PCNX2: variants seen among roughly 807,000 people sequenced by gnomAD.
PCNX2 encodes the protein pecanex 2.
A neutral mutation model predicts 223.8 loss-of-function variants in PCNX2; 168 were observed. The ratio of observed to expected loss-of-function variants is 0.75; its 90% CI spans 0.66 to 0.85. The LOEUF (loss-of-function observed/expected upper bound fraction) is 0.85, where lower values mean the gene tolerates loss of function less well. PCNX2 is among the 40% of genes least tolerant of loss of function. The probability of loss-of-function intolerance (pLI) is 0.00; values close to 1 mark genes in which losing one functional copy is unlikely to be tolerated. For missense variants in PCNX2, 2,507 were observed against 2,675.5 expected (o/e 0.94, Z 1.39); for synonymous variants, 1,006 against 1,052.6 (o/e 0.96, Z 0.86).
In PCNX2 at chr1:233,050,294, C is replaced by T. The variant is rs185932240; in HGVS notation, c.4351+3974G>A. On this transcript the variant is annotated intron_variant, in intron 25 of 33. Coordinates refer to ENST00000258229, the MANE Select transcript of PCNX2 (RefSeq NM_014801.4). ...TATAGACTCTATTCCCATCAAACTACCAATGTCATTTTTCACAGAGCTAGA... is the reference window on the plus strand; with the variant it reads ...TATAGACTCTATTCCCATCAAACTATCAATGTCATTTTTCACAGAGCTAGA... 1.8e-3 allele frequency among the ~76,000 whole-genome samples: 266 copies of T among 151,950 alleles called. 1 individual carries two copies. Among genetic ancestry groups the T allele is most frequent in the Middle Eastern group, 3.4e-3 (1 of 294 alleles).
intron 15 of PCNX2, among the ~76,000 whole-genome samples, chr1:233,182,622 T>G (rs1431149180): frequency 6.6e-6 from 1 of 152,146 alleles, no homozygotes; most frequent in Non-Finnish European, 1.5e-5. Context: ...GCATCCTTCC[T>G]CACATTTAGG....
intron 23 of PCNX2, among the ~76,000 whole-genome samples, chr1:233,088,034 G>A (rs1446326168): frequency 2.6e-5 from 4 of 152,200 alleles, no homozygotes; most frequent in East Asian, 1.9e-4. Context: ...AAGTCCGTAT[G>A]TTTAAGTAAC....
intron 25 of PCNX2, among the ~76,000 whole-genome samples, chr1:233,043,934 G>T (rs1445741554): frequency 2.0e-5 from 3 of 151,528 alleles, no homozygotes; most frequent in African/African-American, 7.3e-5. Flanking sequence ...GTAATGGGAT[G>T]GCTGGGTCAA....
chr1:232,999,145 A>C lies in PCNX2; in HGVS notation c.5563T>G (p.Leu1855Val). Residue 1855 changes from leucine to valine, a missense_variant, in exon 31 of 34, where the codon TTG becomes GTG. By Grantham distance (32) the Leu-to-Val change is conservative (BLOSUM62 1). This residue lies in a region of PCNX2 where 1,372 missense variants were observed against 1,509.4 expected (regional missense o/e 0.91). Coordinates refer to ENST00000258229, the MANE Select transcript of PCNX2 (RefSeq NM_014801.4). Reference sequence around the variant, plus strand: ...CAGAACCAGGTCCTAATTCTGTCCAAAGTGATGGGTCCACCCCAGATGTTC... The same window carrying C: ...CAGAACCAGGTCCTAATTCTGTCCACAGTGATGGGTCCACCCCAGATGTTC... ...LKNIWGGPIT[L>V]DRIRTWFWTK... The C allele has an allele frequency of 6.2e-7, 1 of 1,613,728 alleles. No homozygotes were observed. The highest frequency in any genetic ancestry group is 2.2e-5 in the East Asian group (1 of 44,858).
intron 15 of PCNX2, among the ~76,000 whole-genome samples, chr1:233,192,161 ACTAT>A (rs1680454665): frequency 6.6e-6 from 1 of 152,228 alleles, no homozygotes; most frequent in Non-Finnish European, 1.5e-5. Flanking sequence ...TTCTTTCTTG[ACTAT>A]AAGACAAAAG....
chr1:233,274,830 C>T (rs542357717), intron 1 of PCNX2, among the ~76,000 whole-genome samples: 1 of 152,262 alleles, frequency 6.6e-6, no homozygotes, highest in East Asian at 1.9e-4. Context: ...TGACATTAGG[C>T]TTAGGACTTT....
At chr1:233,186,087 A>G (rs1460226043) in intron 15 of PCNX2, among the ~76,000 whole-genome samples, 1 of 152,222 alleles carries the variant, frequency 6.6e-6, no homozygotes, top group Non-Finnish European at 1.5e-5. Context: ...GACACCTCTT[A>G]TGTTGGAATT....
chr1:233,240,476 C>G (rs529816338), intron 8 of PCNX2, among the ~76,000 whole-genome samples: 1 of 152,252 alleles, frequency 6.6e-6, no homozygotes, highest in East Asian at 1.9e-4. Flanking sequence ...TTCTCTTCCT[C>G]CAAAACAATA....
chr1:233,150,121 C>T (rs977458666), intron 19 of PCNX2, among the ~76,000 whole-genome samples: 16 of 152,172 alleles, frequency 1.1e-4, no homozygotes, highest in African/African-American at 3.9e-4. Context: ...TTCTCAGTCA[C>T]AGGCAGCATT....
intron 23 of PCNX2, among the ~76,000 whole-genome samples, chr1:233,073,001 C>T (rs562719600): frequency 3.9e-5 from 6 of 152,174 alleles, no homozygotes; most frequent in South Asian, 2.1e-4. Context: ...GTGAAGTCAA[C>T]TGGTCCTGGG....
chr1:233,118,962 C>T (rs1675589359), intron 21 of PCNX2, among the ~76,000 whole-genome samples: 1 of 152,082 alleles, frequency 6.6e-6, no homozygotes, highest in African/African-American at 2.4e-5. Flanking sequence ...TCTTTCAGTA[C>T]AACTAAAGTA....
chr1:232,984,847 A>T (rs1276449536), intron 33 of PCNX2: 1 of 178,080 alleles, frequency 5.6e-6, no homozygotes, highest in African/African-American at 2.4e-5. Flanking sequence ...TGACCCCAGT[A>T]GAACACAGAG....
intron 27 of PCNX2, among the ~76,000 whole-genome samples, chr1:233,016,073 G>C (rs567526829): frequency 1.3e-5 from 2 of 152,196 alleles, no homozygotes; most frequent in African/African-American, 4.8e-5. Flanking sequence ...GCTGAAAGAG[G>C]CCTGGCATGA....
At chr1:232,992,537 G>A (rs1669738026) in intron 32 of PCNX2, among the ~76,000 whole-genome samples, 1 of 152,172 alleles carries the variant, frequency 6.6e-6, no homozygotes, top group Non-Finnish European at 1.5e-5. Flanking sequence ...TGGGGACAAG[G>A]ACATTCGAAG....
At chr1:233,242,742 T>C (rs1272596874) in intron 8 of PCNX2, among the ~76,000 whole-genome samples, 2 of 152,366 alleles carry the variant, frequency 1.3e-5, no homozygotes, top group Non-Finnish European at 1.5e-5. Flanking sequence ...TTCAACTTTC[T>C]AAGCAGCTTC....
intron 17 of PCNX2, among the ~76,000 whole-genome samples, chr1:233,164,594 C>T (rs1402558023): frequency 6.6e-6 from 1 of 150,910 alleles, no homozygotes; most frequent in African/African-American, 2.4e-5. Context: ...ATATATGATA[C>T]CATTTTTGCA....
chr1:233,289,401 G>A (rs978165889), intron 1 of PCNX2: 19 of 1,410,234 alleles, frequency 1.3e-5, no homozygotes, highest in Admixed American at 1.7e-5. Context: ...GAACTCGTCC[G>A]GCTTCTCGCC....
Position 233,243,587 on chromosome 1 carries a change from C to A in PCNX2, c.2223-6607G>T, listed in dbSNP as rs1658915032. On this transcript the variant is annotated intron_variant, in intron 8 of 33. Coordinates refer to ENST00000258229, the MANE Select transcript of PCNX2 (RefSeq NM_014801.4). Reference sequence around the variant, plus strand: ...AATGCCTTAAAATCACATAAATCAACTCATAAAAGCACTAGAGGAAAGGCT... The same window carrying A: ...AATGCCTTAAAATCACATAAATCAAATCATAAAAGCACTAGAGGAAAGGCT... 1.3e-5 allele frequency among the ~76,000 whole-genome samples: 2 copies of A among 152,178 alleles called. 1 individual carries two copies. The highest frequency in any genetic ancestry group is 4.1e-4 in the South Asian group (2 of 4,832).
At chr1:233,243,698 A>G (rs977672219) in intron 8 of PCNX2, among the ~76,000 whole-genome samples, 4 of 152,236 alleles carry the variant, frequency 2.6e-5, no homozygotes, top group Admixed American at 1.3e-4. Flanking sequence ...ATCTTTTGGT[A>G]TATCAAGTCA....
Sources: gnomAD v4.1 joint callset for allele counts (sites outside exome capture counted in the v4.1 genomes callset) on GRCh38, gnomAD v4.1.1 for gene constraint, gnomAD v4.1.1 regional missense constraint, MANE v1.5 for transcripts, NCBI Gene and HGNC (gene_info 2026-07-23, HGNC 2026-07-21) for gene names.